The following RRM2 variants were observed in gnomAD, a reference collection of about 807,000 sequenced individuals.
RRM2 encodes the protein ribonucleoside-diphosphate reductase subunit M2.
A neutral mutation model predicts 45.9 loss-of-function variants in RRM2; 6 were observed. That is an observed-to-expected ratio of 0.13 (90% CI 0.07 to 0.26). RRM2 has a LOEUF of 0.26. Ranked by LOEUF, RRM2 falls within the 10% of genes least tolerant of loss-of-function variation. The pLI, the probability that RRM2 is intolerant of heterozygous loss-of-function variation, is 1.00. For synonymous variants in RRM2, 177 were observed against 173.0 expected, an observed-to-expected ratio of 1.02 and a Z score of -0.18; for missense variants, 343 against 489.5, an observed-to-expected ratio of 0.70 and a Z score of 2.82.
At chr2:10,133,835 G>A (rs557756782), downstream of RRM2, among the ~76,000 whole-genome samples, 17 of 151,782 alleles carry the variant, frequency 1.1e-4, no homozygotes, top group South Asian at 4.2e-4. Context: ...CTAAGGAACC[G>A]AACTCCTCTT....
At chr2:10,138,855 CCCAA>C (rs1408698751), upstream of RRM2, among the ~76,000 whole-genome samples, 3 of 152,112 alleles carry the variant, frequency 2.0e-5, no homozygotes, top group African/African-American at 7.2e-5. Flanking sequence ...CGCCTGTAAT[CCCAA>C]CACTTTGGGA....
rs1368094828 is a variant in RRM2 at position 10,150,087 on chromosome 2, G to A, written n.482+7712G>A. ...CCAGCACTTTTGGAGGACGAGGCGG[G>A]TGGATTGCTTGAGCCCAGGAGTTCG... On this transcript the variant is annotated intron_variant and non_coding_transcript_variant, in intron 3 of 3. Coordinates refer to the RRM2 transcript ENST00000381786. 2.0e-5 allele frequency among the ~76,000 whole-genome samples: 3 copies of A among 152,214 alleles called. No homozygotes were observed. The East Asian group carries it at 5.8e-4, about 29-fold the overall frequency.
intron 3 of RRM2, among the ~76,000 whole-genome samples, chr2:10,194,169 G>A (rs1043307536): frequency 7.9e-5 from 12 of 152,232 alleles, no homozygotes; most frequent in African/African-American, 2.7e-4. Flanking sequence ...AACCGGGAGA[G>A]CTGGAAAAGC....
intron 3 of RRM2, among the ~76,000 whole-genome samples, chr2:10,181,934 T>A (rs575677739): frequency 2.1e-3 from 306 of 148,554 alleles, no homozygotes; most frequent in Non-Finnish European, 3.5e-3. Context: ...GCAGCTAATT[T>A]AAAAAAAAAA....
chr2:10,177,149 G>A lies in RRM2; in HGVS notation n.483-33162G>A, dbSNP rs912856654. On this transcript the variant is annotated intron_variant and non_coding_transcript_variant, in intron 3 of 3. Coordinates refer to the RRM2 transcript ENST00000381786. Reference sequence around the variant, plus strand: ...TAATCCCAGCTACTCTGGAGGTTGAGGTAGGAGAATCGCTTGAACCCGGGA... The same window carrying A: ...TAATCCCAGCTACTCTGGAGGTTGAAGTAGGAGAATCGCTTGAACCCGGGA... Among the ~76,000 whole-genome samples, 6 of 152,090 alleles carry A rather than the reference G, an allele frequency of 3.9e-5. No homozygotes were observed. In the East Asian group the frequency reaches 1.2e-3, roughly 29 times the overall value.
exon 4 of RRM2, chr2:10,210,750 C>T (rs905104976): frequency 3.7e-6 from 2 of 538,568 alleles, no homozygotes; most frequent in Admixed American, 3.6e-5. Context: ...CCTGTGTCCC[C>T]TGGGTTCATA....
rs111598217 is a variant in RRM2, at chr2:10,210,553, G to A, written n.725G>A. ...TTCACTGGACTCCACACAGGCCTGC[G>A]GAGCAGGTGGACCCACCATTCTCAG... On this transcript the variant is annotated non_coding_transcript_exon_variant, in exon 4 of 4. Transcript: ENST00000381786. The A allele has an allele frequency of 6.6e-4, 908 of 1,366,582 alleles. 11 individuals are homozygous for A. The African/African-American group carries it at 8.1e-3, about 12-fold the overall frequency. The allele number at this position is 1,366,582 out of a possible 1,614,324, so 84.7% of individuals were successfully genotyped here.
At chr2:10,155,108 G>T in intron 3 of RRM2, 1 of 270,534 alleles carries the variant, frequency 3.7e-6, no homozygotes, top group South Asian at 3.9e-5. Context: ...ACTGACACTG[G>T]GATACTGAGC....
At chr2:10,150,875 G>A (rs145372696) in intron 3 of RRM2, among the ~76,000 whole-genome samples, 2,510 of 149,776 alleles carry the variant, frequency 0.017, 26 homozygotes, top group African/African-American at 0.021. Context: ...GTGCAATGGC[G>A]CGATCTCGGC....
chr2:10,136,097 C>G (rs1413050098), downstream of RRM2, among the ~76,000 whole-genome samples: 1 of 152,114 alleles, frequency 6.6e-6, no homozygotes, highest in African/African-American at 2.4e-5. Flanking sequence ...AGAAGATGTT[C>G]CATCTTCCTG....
chr2:10,179,403 G>A (rs1352215582), intron 3 of RRM2, among the ~76,000 whole-genome samples: 3 of 152,132 alleles, frequency 2.0e-5, no homozygotes, highest in South Asian at 2.1e-4. Flanking sequence ...CACCCGCCTC[G>A]GCCTCCCAAA....
At position 10,122,875 on chromosome 2, in the gene RRM2, G is replaced by T; in HGVS notation, c.77G>T (p.Ser26Ile). Residue 26 changes from serine to isoleucine, a missense_variant, in exon 1 of 10, where the codon AGC (serine) becomes ATC (isoleucine). Ser to Ile is a moderately radical substitution (Grantham distance 142). Around this residue, in one of 2 missense-constraint regions of RRM2, gnomAD observed 131 missense variants for 121.4 expected, o/e 1.08. Coordinates refer to ENST00000304567, the MANE Select transcript of RRM2 (RefSeq NM_001034.4). ...QLQLSPLKGLSLVDKENTPPA... is the reference protein window; with the variant it reads ...QLQLSPLKGLILVDKENTPPA... The stretch of plus-strand genomic sequence containing the variant: ...CAGCTCTCGCCGCTGAAGGGGCTCA[G>T]CTTGGTCGACAAGGAGAACACGGTG... The T allele has an allele frequency of 6.3e-7, 1 of 1,597,440 alleles. No individual in the cohort carries two copies. The highest frequency in any genetic ancestry group is 8.5e-7 in the Non-Finnish European group (1 of 1,174,296).
chr2:10,202,333 T>G (rs998588091), intron 3 of RRM2, among the ~76,000 whole-genome samples: 19 of 152,254 alleles, frequency 1.2e-4, no homozygotes, highest in African/African-American at 4.6e-4. Flanking sequence ...GACAGTGGCT[T>G]GGAATGTTGG....
Position 10,204,489 on chromosome 2 carries a change from C to T in RRM2, n.483-5822C>T, listed in dbSNP as rs534718481. On this transcript the variant is annotated intron_variant and non_coding_transcript_variant, in intron 3 of 3. Transcript: ENST00000381786. The surrounding 1 kb of genome is among the most constrained non-coding windows in gnomAD (Gnocchi z 4.0). ...CAGCCAAGTCTCTGATGGAGCCCAC[C>T]GGAGCAGCCTACCTGGCTTCTGTGG... Among the ~76,000 whole-genome samples the T allele has an allele frequency of 1.1e-4, 17 of 152,316 alleles. No homozygotes were observed. Among genetic ancestry groups the T allele is most frequent in the Admixed American group, 2.0e-4 (3 of 15,302 alleles).
chr2:10,124,106 CTCTT>C, intron 4 of RRM2: 6 of 397,764 alleles, frequency 1.5e-5, no homozygotes, highest in Admixed American at 1.0e-4. Context: ...CATCTGCCCC[CTCTT>C]TTTTTTTTTT....
Position 10,157,053 on chromosome 2 carries a change from G to T in RRM2, n.482+14678G>T, listed in dbSNP as rs868367451. ...TTTTTTTTTTTTGAGATGGAGTCTC[G>T]CTCTGTCGCCCAGGCCGGACTGCGG... On this transcript the variant is annotated intron_variant and non_coding_transcript_variant, in intron 3 of 3. Transcript: ENST00000381786. 1.0e-4 allele frequency among the ~76,000 whole-genome samples: 12 copies of T among 115,376 alleles called. No homozygotes were observed. In the South Asian group the frequency reaches 2.7e-3, roughly 26 times the overall value. The allele number at this position is 115,376 out of a possible 152,430, so 75.7% of individuals were successfully genotyped here.
chr2:10,201,628 A>G (rs1664572332), intron 3 of RRM2, among the ~76,000 whole-genome samples: 1 of 152,232 alleles, frequency 6.6e-6, no homozygotes, highest in South Asian at 2.1e-4. Context: ...CAAGACAACA[A>G]TTGTTCATGG....
intron 3 of RRM2, among the ~76,000 whole-genome samples, chr2:10,180,546 C>T (rs552938709): frequency 2.6e-5 from 4 of 152,292 alleles, no homozygotes; most frequent in East Asian, 1.9e-4. Context: ...CCTTGGCACT[C>T]GTGGTTGGCC....
At chr2:10,194,123 T>C (rs75276028) in intron 3 of RRM2, among the ~76,000 whole-genome samples, 9,716 of 152,286 alleles carry the variant, frequency 0.064, 569 homozygotes, top group East Asian at 0.33. Context: ...TTATGAGTCA[T>C]CGTTGAAAGG....
Sources: gnomAD v4.1 joint callset for allele counts (sites outside exome capture counted in the v4.1 genomes callset) on GRCh38, gnomAD v4.1.1 for gene constraint, gnomAD v4.1.1 regional missense constraint, Gnocchi (gnomAD v3.1) non-coding constraint, MANE v1.5 for transcripts, NCBI Gene and HGNC (gene_info 2026-07-23, HGNC 2026-07-21) for gene names.